The following CSMD1 variants were observed in gnomAD, a reference collection of about 807,000 sequenced individuals.
The protein encoded by CSMD1 is CUB and Sushi multiple domains 1.
In CSMD1, 213 loss-of-function variants were observed where a neutral mutation model predicts 417.5. The observed-to-expected ratio is 0.51, with a 90% CI of 0.46 to 0.57. The LOEUF (loss-of-function observed/expected upper bound fraction) is 0.57, where lower values mean the gene tolerates loss of function less well. CSMD1 is among the 20% of genes least tolerant of loss of function. The pLI is 0.00. For synonymous variants in CSMD1, 2,862 were observed against 1,736.8 expected (o/e 1.65, Z -16.11); for missense variants, 6,923 against 4,529.7 (o/e 1.53, Z -15.17).
Position 3,613,702 on chromosome 8 carries a change from AACACACAC to A in CSMD1, c.1097+3000_1097+3007del, listed in dbSNP as rs61391436. Reference sequence around the variant, plus strand: ...AAATTCCAAATTCATGTCAGATTAAAACACACACACACACACACACACACACACACACA... The same window carrying A: ...AAATTCCAAATTCATGTCAGATTAAAACACACACACACACACACACACACA... On this transcript the variant is annotated intron_variant, in intron 8 of 69. Coordinates refer to ENST00000635120, the MANE Select transcript of CSMD1 (RefSeq NM_033225.6). Among the ~76,000 whole-genome samples the A allele has an allele frequency of 1.1e-4, 16 of 144,886 alleles. No homozygotes were observed. In the South Asian group the frequency reaches 1.1e-3, roughly 10 times the overall value.
intron 12 of CSMD1, among the ~76,000 whole-genome samples, chr8:3,440,837 T>C (rs1189251512): frequency 6.6e-6 from 1 of 152,220 alleles, no homozygotes; most frequent in Non-Finnish European, 1.5e-5. Flanking sequence ...ACCCATTTCC[T>C]CCTGCCTTGC....
In CSMD1 at chr8:3,156,350, A is replaced by G. The variant is rs558403063; in HGVS notation, c.5914+1547T>C. ...GTTATAATGATCCAGGCTCTCTGAT[A>G]CTCATTCATTCCCTAGCCATTCTTT... is the stretch of plus-strand genomic sequence containing the variant. On this transcript the variant is annotated intron_variant, in intron 39 of 69. Coordinates refer to ENST00000635120, the MANE Select transcript of CSMD1 (RefSeq NM_033225.6). Among the ~76,000 whole-genome samples the G allele has an allele frequency of 5.5e-4, 83 of 152,280 alleles. 1 individual carries two copies. In the South Asian group the frequency reaches 0.013, roughly 24 times the overall value.
chr8:3,735,358 G>C (rs975425100), intron 6 of CSMD1, among the ~76,000 whole-genome samples: 2 of 151,962 alleles, frequency 1.3e-5, no homozygotes, highest in Non-Finnish European at 2.9e-5. Flanking sequence ...TGCAAATATT[G>C]ACTCAAGACT....
chr8:3,443,490 A>T (rs775477830), intron 12 of CSMD1, among the ~76,000 whole-genome samples: 1 of 152,212 alleles, frequency 6.6e-6, no homozygotes, highest in African/African-American at 2.4e-5. Context: ...AGATATCTAC[A>T]TATGTGTGCG....
chr8:3,574,240 T>C (rs912484629), intron 10 of CSMD1, among the ~76,000 whole-genome samples: 4 of 151,978 alleles, frequency 2.6e-5, no homozygotes, highest in African/African-American at 9.7e-5. Context: ...AAAGACAGAA[T>C]TGTTTTTTAT....
chr8:3,075,509 A>G (rs1813597212), intron 49 of CSMD1, among the ~76,000 whole-genome samples: 1 of 151,386 alleles, frequency 6.6e-6, no homozygotes, highest in Admixed American at 6.6e-5. Flanking sequence ...TCGAACTCCC[A>G]ACCTCAGCTG....
chr8:4,424,893 A>G (rs1385918571), intron 2 of CSMD1, among the ~76,000 whole-genome samples: 2 of 152,118 alleles, frequency 1.3e-5, no homozygotes, highest in African/African-American at 2.4e-5. Flanking sequence ...ATGTGAATCT[A>G]TAATGATCTC....
chr8:4,524,611 C>T (rs1021549124), intron 2 of CSMD1, among the ~76,000 whole-genome samples: 4 of 139,658 alleles, frequency 2.9e-5, no homozygotes, highest in African/African-American at 7.9e-5. Context: ...TTTTTCAGTG[C>T]CACCTAGTGA....
intron 1 of CSMD1, among the ~76,000 whole-genome samples, chr8:4,828,620 T>C (rs1271084638): frequency 6.6e-6 from 1 of 152,170 alleles, no homozygotes; most frequent in African/African-American, 2.4e-5. Flanking sequence ...CTGGAATCCC[T>C]TTCTTTAAAA....
intron 2 of CSMD1, among the ~76,000 whole-genome samples, chr8:4,587,904 T>C (rs1450526800): frequency 2.0e-5 from 3 of 152,218 alleles, no homozygotes; most frequent in African/African-American, 4.8e-5. Context: ...AACTGAAGTG[T>C]GAATACTTTT....
intron 11 of CSMD1, 52 bp downstream of exon 11, chr8:3,493,571 C>A (rs78223353): frequency 2.1e-6 from 3 of 1,453,748 alleles, no homozygotes; most frequent in Non-Finnish European, 2.8e-6. Context: ...CTCCACCCAC[C>A]GTGCCCCGCA....
chr8:3,089,542 A>T (rs948663734), intron 48 of CSMD1, among the ~76,000 whole-genome samples: 2 of 152,192 alleles, frequency 1.3e-5, no homozygotes, highest in African/African-American at 4.8e-5. Flanking sequence ...TTGGGGATGC[A>T]ACGTGTGGTC....
At chr8:3,711,379 T>C (rs1416479419) in intron 6 of CSMD1, among the ~76,000 whole-genome samples, 1 of 152,108 alleles carries the variant, frequency 6.6e-6, no homozygotes, top group African/African-American at 2.4e-5. Flanking sequence ...GGGTGGCTGT[T>C]CATCTTCAGC....
intron 18 of CSMD1, among the ~76,000 whole-genome samples, chr8:3,379,294 A>G (rs1024589186): frequency 3.7e-4 from 56 of 152,352 alleles, no homozygotes; most frequent in African/African-American, 1.3e-3. Flanking sequence ...GATAGGAAAA[A>G]TGAATATTGT....
intron 15 of CSMD1, among the ~76,000 whole-genome samples, chr8:3,404,892 G>A (rs774812130): frequency 1.3e-4 from 19 of 151,988 alleles, no homozygotes; most frequent in Non-Finnish European, 2.6e-4. Flanking sequence ...GCTGTTTGAA[G>A]CTGAATCATT....
At chr8:3,927,352 G>C (rs1489772983) in intron 5 of CSMD1, among the ~76,000 whole-genome samples, 1 of 151,844 alleles carries the variant, frequency 6.6e-6, no homozygotes. Flanking sequence ...AATGGAAAAA[G>C]GAAAGGTATC....
chr8:4,499,195 G>A (rs1802128122), intron 2 of CSMD1, among the ~76,000 whole-genome samples: 2 of 152,104 alleles, frequency 1.3e-5, no homozygotes, highest in Non-Finnish European at 1.5e-5. Context: ...GAAAATTGAG[G>A]AGCCTCAGAA....
At chr8:3,678,483 G>C (rs1445264106) in intron 7 of CSMD1, among the ~76,000 whole-genome samples, 4 of 152,134 alleles carry the variant, frequency 2.6e-5, no homozygotes, top group Admixed American at 6.6e-5. Flanking sequence ...GAGAAGTTTA[G>C]AGAAAAAGGA....
chr8:4,238,712 A>G, intron 3 of CSMD1, among the ~76,000 whole-genome samples: 1 of 152,208 alleles, frequency 6.6e-6, no homozygotes, highest in East Asian at 1.9e-4. Context: ...TGTTTGGGGC[A>G]GGTCAATATT....
Sources: allele counts gnomAD v4.1 joint callset (sites outside exome capture counted in the v4.1 genomes callset), GRCh38; gene constraint gnomAD v4.1.1; transcripts MANE v1.5; gene names NCBI Gene and HGNC (gene_info 2026-07-23, HGNC 2026-07-21).